Variants in BBS9 observed in about 807,000 individuals in gnomAD.
BBS9 encodes the protein protein PTHB1.
BBS9 carries 89 observed loss-of-function variants against 117.7 expected under a neutral mutation model. The ratio of observed to expected loss-of-function variants is 0.76; its 90% CI spans 0.64 to 0.90. BBS9 has a LOEUF of 0.90. Ranked by LOEUF, BBS9 falls within the 40% of genes least tolerant of loss-of-function variation. The probability of loss-of-function intolerance (pLI) is 0.00; values close to 1 mark genes in which losing one functional copy is unlikely to be tolerated. For synonymous variants in BBS9, 379 were observed against 370.9 expected (o/e 1.02, Z -0.25); for missense variants, 982 against 1,042.2 (o/e 0.94, Z 0.80).
At chr7:33,394,255 A>G (rs1370181468) in intron 19 of BBS9, among the ~76,000 whole-genome samples, 1 of 152,210 alleles carries the variant, frequency 6.6e-6, no homozygotes, top group Non-Finnish European at 1.5e-5. Flanking sequence ...TTCCAGGGAC[A>G]TGGATGGAGC....
At chr7:33,427,655 A>G (rs1833841665) in intron 19 of BBS9, among the ~76,000 whole-genome samples, 2 of 152,174 alleles carry the variant, frequency 1.3e-5, no homozygotes, top group Non-Finnish European at 2.9e-5. Flanking sequence ...AAGACTAGGC[A>G]ATTTACTCTG....
At chr7:33,582,878 T>G (rs1860222042) in intron 21 of BBS9, among the ~76,000 whole-genome samples, 1 of 152,134 alleles carries the variant, frequency 6.6e-6, no homozygotes, top group East Asian at 1.9e-4. Context: ...CTGCTCAGTT[T>G]GTGGGAGCTC....
At chr7:33,499,487 G>C (rs1417887976) in intron 19 of BBS9, among the ~76,000 whole-genome samples, 3 of 152,140 alleles carry the variant, frequency 2.0e-5, no homozygotes, top group Non-Finnish European at 4.4e-5. Flanking sequence ...CATCTATGCT[G>C]ACCTTTTATT....
chr7:33,584,686 C>T (rs1412585038), intron 21 of BBS9, among the ~76,000 whole-genome samples: 1 of 151,982 alleles, frequency 6.6e-6, no homozygotes, highest in Non-Finnish European at 1.5e-5. Flanking sequence ...AAATATGATT[C>T]TGAGTTTGAA....
chr7:33,595,174 A>G (rs1862533407), intron 21 of BBS9, among the ~76,000 whole-genome samples: 1 of 152,208 alleles, frequency 6.6e-6, no homozygotes. Flanking sequence ...AATTGCAACA[A>G]AAGCCAAAAT....
chr7:33,521,859 T>G (rs959980530), intron 20 of BBS9, among the ~76,000 whole-genome samples: 2 of 150,804 alleles, frequency 1.3e-5, no homozygotes, highest in Non-Finnish European at 3.0e-5. Context: ...ACTCATCATC[T>G]AGCATTAGGT....
intron 17 of BBS9, among the ~76,000 whole-genome samples, chr7:33,368,955 T>C (rs2128717351): frequency 6.6e-6 from 1 of 152,192 alleles, no homozygotes; most frequent in South Asian, 2.1e-4. Context: ...AAAGAGGAGA[T>C]TCTTTATTTT....
At chr7:33,445,051 G>A (rs75689758) in intron 19 of BBS9, among the ~76,000 whole-genome samples, 1,571 of 152,290 alleles carry the variant, frequency 0.01, 9 homozygotes, top group Non-Finnish European at 0.016. Flanking sequence ...TTGAGGGGAA[G>A]TGAGTGGAGA....
intron 9 of BBS9, among the ~76,000 whole-genome samples, chr7:33,319,557 AT>A (rs986682013): frequency 5.9e-5 from 9 of 151,352 alleles, no homozygotes; most frequent in South Asian, 2.1e-4. Context: ...GCCAACATCT[AT>A]TTTTTTTTAT....
In BBS9 at chr7:33,303,611, C is replaced by T. The variant is rs565044180; in HGVS notation, c.1016+29655C>T. On this transcript the variant is annotated intron_variant, in intron 9 of 22. Coordinates refer to ENST00000242067, the MANE Select transcript of BBS9 (RefSeq NM_198428.3). ...TCGGCTCGCTGCAACCTCCCTGCCTCGGGCTCCCATGATTCACCTGCCGAG... is the reference window on the plus strand; with the variant it reads ...TCGGCTCGCTGCAACCTCCCTGCCTTGGGCTCCCATGATTCACCTGCCGAG... Among the ~76,000 whole-genome samples the T allele has an allele frequency of 6.6e-5, 10 of 150,558 alleles. No individual in the cohort carries two copies. In the South Asian group the frequency reaches 8.5e-4, roughly 13 times the overall value.
At chr7:33,378,604 T>C (rs145809982) in intron 17 of BBS9, among the ~76,000 whole-genome samples, 2 of 152,338 alleles carry the variant, frequency 1.3e-5, no homozygotes, top group South Asian at 2.1e-4. Flanking sequence ...CTTAGACTTA[T>C]TCACATTTCA....
intron 1 of BBS9, among the ~76,000 whole-genome samples, chr7:33,145,071 T>A (rs933188968): frequency 6.6e-6 from 1 of 152,146 alleles, no homozygotes; most frequent in Non-Finnish European, 1.5e-5. Flanking sequence ...TATGTATTGA[T>A]TGGTTGAAGA....
At chr7:33,405,056 T>C (rs188126469) in intron 19 of BBS9, among the ~76,000 whole-genome samples, 1 of 152,054 alleles carries the variant, frequency 6.6e-6, no homozygotes, top group Non-Finnish European at 1.5e-5. Context: ...TAGCATGAAG[T>C]GTTGTTGAAT....
chr7:33,245,615 T>C (rs1254594095), intron 5 of BBS9, among the ~76,000 whole-genome samples: 2 of 152,318 alleles, frequency 1.3e-5, no homozygotes, highest in South Asian at 2.1e-4. Context: ...GCAGTTCTTA[T>C]GGAATTGTCA....
chr7:33,313,642 G>A (rs1302538589), intron 9 of BBS9, among the ~76,000 whole-genome samples: 1 of 151,968 alleles, frequency 6.6e-6, no homozygotes, highest in Non-Finnish European at 1.5e-5. Context: ...TGCAGTTTTC[G>A]GTGACAACTT....
At chr7:33,452,470 CT>C (rs1334725287) in intron 19 of BBS9, among the ~76,000 whole-genome samples, 2 of 152,150 alleles carry the variant, frequency 1.3e-5, no homozygotes, top group African/African-American at 2.4e-5. Flanking sequence ...GCTGTATATC[CT>C]CACTTGGAAC....
intron 19 of BBS9, among the ~76,000 whole-genome samples, chr7:33,411,337 T>C (rs989524590): frequency 6.6e-6 from 1 of 152,190 alleles, no homozygotes; most frequent in African/African-American, 2.4e-5. Flanking sequence ...CATAGTTTTT[T>C]AATATTAAAA....
chr7:33,527,334 C>T lies in BBS9; in HGVS notation c.2299-6620C>T, dbSNP rs1193712697. Among the ~76,000 whole-genome samples, 38 of 152,210 alleles carry T rather than the reference C, an allele frequency of 2.5e-4. No individual in the cohort carries two copies. In the South Asian group the frequency reaches 7.9e-3, roughly 32 times the overall value. On this transcript the variant is annotated intron_variant, in intron 20 of 22. Transcript: ENST00000242067. The stretch of plus-strand genomic sequence containing the variant: ...AAGCAAGCCTGGGCAATGGTGGGCG[C>T]CCCTCCCCCAGCCTCGCTGCCGCCT...
intron 21 of BBS9, among the ~76,000 whole-genome samples, chr7:33,583,257 C>T (rs1260413165): frequency 6.6e-6 from 1 of 151,822 alleles, no homozygotes; most frequent in Non-Finnish European, 1.5e-5. Context: ...ATTTGTGTTG[C>T]TTTTTGGTGT....
Sources: allele counts gnomAD v4.1 joint callset (sites outside exome capture counted in the v4.1 genomes callset), GRCh38; gene constraint gnomAD v4.1.1; transcripts MANE v1.5; gene names NCBI Gene and HGNC (gene_info 2026-07-23, HGNC 2026-07-21).